Variants in SRPK2 observed in about 807,000 individuals in gnomAD.
SRPK2 encodes SFRS protein kinase 2.
Under a neutral mutation model 90.8 loss-of-function variants are expected in SRPK2, and 21 were observed. The observed-to-expected ratio is 0.23, with a 90% CI of 0.16 to 0.33. SRPK2 has a LOEUF of 0.33. Ranked by LOEUF, SRPK2 falls within the 10% of genes least tolerant of loss-of-function variation. SRPK2 has a pLI of 1.00. For synonymous variants in SRPK2, 288 were observed against 311.1 expected (o/e 0.93, Z 0.78); for missense variants, 620 against 869.0 (o/e 0.71, Z 3.60).
At chr7:105,273,865 C>T (rs1806153422) in intron 2 of SRPK2, among the ~76,000 whole-genome samples, 1 of 152,072 alleles carries the variant, frequency 6.6e-6, no homozygotes, top group Non-Finnish European at 1.5e-5. Flanking sequence ...TACAATTGAG[C>T]TACATTAATT....
At chr7:105,275,999 A>C (rs1304132065) in intron 2 of SRPK2, among the ~76,000 whole-genome samples, 1 of 152,150 alleles carries the variant, frequency 6.6e-6, no homozygotes, top group African/African-American at 2.4e-5. Flanking sequence ...AAATTTAATA[A>C]ACTTCCTTTC....
chr7:105,186,394 A>G (rs1473043791), intron 3 of SRPK2, among the ~76,000 whole-genome samples: 1 of 152,190 alleles, frequency 6.6e-6, no homozygotes, highest in African/African-American at 2.4e-5. Flanking sequence ...TCCATCTTTA[A>G]GTCCATGTGT....
At chr7:105,143,594 T>C (rs1804119001) in intron 9 of SRPK2, 1 of 443,036 alleles carries the variant, frequency 2.3e-6, no homozygotes, top group African/African-American at 2.0e-5. Flanking sequence ...GTCTTCACCA[T>C]TCAAACTCTA....
intron 2 of SRPK2, among the ~76,000 whole-genome samples, chr7:105,354,416 C>T (rs976531922): frequency 6.6e-6 from 1 of 152,184 alleles, no homozygotes. Flanking sequence ...TTTCCCCTAA[C>T]GAATCACTCC....
chr7:105,177,673 T>C (rs912474934), intron 3 of SRPK2, among the ~76,000 whole-genome samples: 4 of 152,134 alleles, frequency 2.6e-5, no homozygotes, highest in Non-Finnish European at 5.9e-5. Context: ...AGGTTATCAC[T>C]GTGCTTTCAA....
intron 2 of SRPK2, among the ~76,000 whole-genome samples, chr7:105,231,258 A>T (rs1799386874): frequency 6.6e-6 from 1 of 152,114 alleles, no homozygotes; most frequent in South Asian, 2.1e-4. Context: ...CACAAAATAC[A>T]TTATCTCTTC....
chr7:105,206,185 G>C (rs1295863892), intron 2 of SRPK2, among the ~76,000 whole-genome samples: 1 of 148,482 alleles, frequency 6.7e-6, no homozygotes, highest in Non-Finnish European at 1.5e-5. Flanking sequence ...CATCAAAAAT[G>C]CGTGTAGACA....
chr7:105,150,930 C>A (rs1447534633), intron 7 of SRPK2, among the ~76,000 whole-genome samples: 1 of 152,142 alleles, frequency 6.6e-6, no homozygotes, highest in Non-Finnish European at 1.5e-5. Context: ...TATCTTTCCA[C>A]CTTGGCTTCT....
At chr7:105,249,629 A>G (rs886566877) in intron 2 of SRPK2, among the ~76,000 whole-genome samples, 1 of 152,210 alleles carries the variant, frequency 6.6e-6, no homozygotes, top group Non-Finnish European at 1.5e-5. Flanking sequence ...CATTTTGGGC[A>G]TCAGTTTTTC....
intron 2 of SRPK2, among the ~76,000 whole-genome samples, chr7:105,284,974 A>G (rs949209443): frequency 2.6e-5 from 4 of 152,206 alleles, no homozygotes; most frequent in Admixed American, 6.5e-5. Flanking sequence ...CAGCAAGGAC[A>G]TACAAGAGTC....
At chr7:105,209,318 C>T (rs1190938615) in intron 2 of SRPK2, among the ~76,000 whole-genome samples, 2 of 151,634 alleles carry the variant, frequency 1.3e-5, no homozygotes, top group African/African-American at 4.8e-5. Context: ...GGGGAGGCCA[C>T]AGTGGGTATA....
intron 1 of SRPK2, among the ~76,000 whole-genome samples, chr7:105,394,581 C>T (rs1468500070): frequency 6.6e-6 from 1 of 152,194 alleles, no homozygotes; most frequent in Non-Finnish European, 1.5e-5. Context: ...CCTCATAGGT[C>T]AGTTCGATAA....
At chr7:105,200,158 C>A (rs937198676) in intron 3 of SRPK2, among the ~76,000 whole-genome samples, 1 of 152,006 alleles carries the variant, frequency 6.6e-6, no homozygotes, top group African/African-American at 2.4e-5. Context: ...AAAGGTTAAC[C>A]AGGCGTGGTG....
chr7:105,313,516 G>A (rs999658437), intron 2 of SRPK2, among the ~76,000 whole-genome samples: 9 of 151,400 alleles, frequency 5.9e-5, no homozygotes, highest in African/African-American at 1.7e-4. Flanking sequence ...TTGGGAGGCC[G>A]AGGTGGGTGG....
intron 2 of SRPK2, among the ~76,000 whole-genome samples, chr7:105,300,053 A>T (rs1191451262): frequency 6.6e-6 from 1 of 152,006 alleles, no homozygotes; most frequent in African/African-American, 2.4e-5. Flanking sequence ...AAATGTACAA[A>T]TTAATTTTTA....
Position 105,117,976 on chromosome 7 carries a change from A to C in SRPK2, c.1962T>G (p.Asp654Glu). Residue 654 changes from aspartate to glutamate, a missense_variant, in exon 16 of 16, where the codon GAT (aspartate) becomes GAG (glutamate). Physicochemically the swap from Asp to Glu is conservative, Grantham distance 45 (BLOSUM62 2). Transcript: ENST00000393651. ...ITKLKPWSLF[D>E]VLVEKYGWPH... The stretch of plus-strand genomic sequence containing the variant: ...GCCAGCCATACTTTTCCACAAGTAC[A>C]TCAAAGAGGCTCCAGGGCTTCAGCT... The C allele has an allele frequency of 6.2e-7, 1 of 1,614,220 alleles. No homozygotes were observed. The highest frequency in any genetic ancestry group is 8.5e-7 in the Non-Finnish European group (1 of 1,180,024).
chr7:105,159,814 A>AT (rs931448839), intron 7 of SRPK2, among the ~76,000 whole-genome samples: 1 of 152,100 alleles, frequency 6.6e-6, no homozygotes. Context: ...AAACATTTCC[A>AT]TTTTTTTCCC....
chr7:105,124,428 G>A (rs1407229753), intron 15 of SRPK2, among the ~76,000 whole-genome samples: 1 of 152,066 alleles, frequency 6.6e-6, no homozygotes, highest in Non-Finnish European at 1.5e-5. Context: ...ATCACCTTAG[G>A]TCAGGAGTTC....
chr7:105,301,861 T>G, intron 2 of SRPK2: 4 of 1,578,520 alleles, frequency 2.5e-6, no homozygotes, highest in Non-Finnish European at 3.5e-6. Context: ...TCATGGAGAA[T>G]CACAATCCCA....
Sources: gnomAD v4.1 joint callset for allele counts (sites outside exome capture counted in the v4.1 genomes callset) on GRCh38, gnomAD v4.1.1 for gene constraint, MANE v1.5 for transcripts, NCBI Gene and HGNC (gene_info 2026-07-23, HGNC 2026-07-21) for gene names.